COMMD10: variants seen among roughly 807,000 people sequenced by gnomAD.
COMMD10 encodes the protein COMM domain-containing protein 10.
A neutral mutation model predicts 28.9 loss-of-function variants in COMMD10; 33 were observed. That is an observed-to-expected ratio of 1.14 (90% confidence interval 0.87 to 1.53). The LOEUF is 1.53. Among genes scored for constraint, COMMD10 ranks in the 40% most tolerant of loss-of-function variants. The pLI is 0.00. For missense variants in COMMD10, 310 were observed against 233.4 expected (o/e 1.33, Z -2.14); for synonymous variants, 110 against 81.7 (o/e 1.35, Z -1.87).
At chr5:116,130,339 C>A (rs561135999) in intron 4 of COMMD10, among the ~76,000 whole-genome samples, 16 of 151,766 alleles carry the variant, frequency 1.1e-4, no homozygotes, top group Non-Finnish European at 2.1e-4. Context: ...TGATAGATGG[C>A]AAAAAGCCCT....
intron 5 of COMMD10, among the ~76,000 whole-genome samples, chr5:116,222,130 G>C (rs1175572468): frequency 6.6e-6 from 1 of 152,094 alleles, no homozygotes; most frequent in Non-Finnish European, 1.5e-5. Flanking sequence ...AGTTAGGGAA[G>C]GACACAGAGC....
At chr5:116,168,632 C>G (rs1385506431) in intron 5 of COMMD10, among the ~76,000 whole-genome samples, 1 of 152,094 alleles carries the variant, frequency 6.6e-6, no homozygotes, top group Non-Finnish European at 1.5e-5. Context: ...ATAACAGACT[C>G]TCAGACCACA....
intron 5 of COMMD10, among the ~76,000 whole-genome samples, chr5:116,241,583 C>CTTATGTATTTATTTATTTATTTAT (rs150574868): frequency 1.0e-4 from 14 of 140,448 alleles, no homozygotes; most frequent in African/African-American, 3.6e-4. Flanking sequence ...ACTCTGCTTT[C>CTTATGTATTTATTTATTTATTTAT]TTATTTATTT....
At chr5:116,254,234 C>T (rs1048487100) in intron 5 of COMMD10, among the ~76,000 whole-genome samples, 58 of 151,864 alleles carry the variant, frequency 3.8e-4, no homozygotes, top group African/African-American at 1.4e-3. Flanking sequence ...TTTGTTGATC[C>T]TTTCAAAAAA....
At chr5:116,085,118 G>C in intron 1 of COMMD10, 25 bp downstream of exon 1, 1 of 1,603,240 alleles carries the variant, frequency 6.2e-7, no homozygotes, top group Non-Finnish European at 8.5e-7. Context: ...AAGCTCTTGC[G>C]GTAGCCGCGC....
chr5:116,153,645 A>G (rs893715900), intron 5 of COMMD10, among the ~76,000 whole-genome samples: 5 of 151,824 alleles, frequency 3.3e-5, no homozygotes, highest in African/African-American at 1.2e-4. Flanking sequence ...TACTTCTTTT[A>G]TTGGCCCAGA....
intron 5 of COMMD10, among the ~76,000 whole-genome samples, chr5:116,282,545 T>C (rs1215477532): frequency 6.6e-6 from 1 of 151,944 alleles, no homozygotes; most frequent in East Asian, 1.9e-4. Context: ...TGTTTGGTCT[T>C]AAATTAGCTT....
At chr5:116,200,079 G>A (rs1040701558) in intron 5 of COMMD10, among the ~76,000 whole-genome samples, 1 of 151,362 alleles carries the variant, frequency 6.6e-6, no homozygotes, top group African/African-American at 2.4e-5. Flanking sequence ...CATGAAGAAT[G>A]GGGTATCCAT....
chr5:116,215,040 G>A (rs748390646), intron 5 of COMMD10, among the ~76,000 whole-genome samples: 17 of 151,870 alleles, frequency 1.1e-4, no homozygotes, highest in Non-Finnish European at 2.2e-4. Context: ...ATAGTTTGTG[G>A]TGTTTTTCCT....
chr5:116,184,639 A>T (rs1380006832), intron 5 of COMMD10, among the ~76,000 whole-genome samples: 1 of 152,064 alleles, frequency 6.6e-6, no homozygotes, highest in Non-Finnish European at 1.5e-5. Context: ...TGGAGTTGTT[A>T]TTTACCAAAA....
chr5:116,085,142 G>A, intron 1 of COMMD10, 49 bp downstream of exon 1: 1 of 1,580,324 alleles, frequency 6.3e-7, no homozygotes, highest in Non-Finnish European at 8.6e-7. Context: ...GGAAGGCCCA[G>A]ATCGGGCTCG....
intron 5 of COMMD10, among the ~76,000 whole-genome samples, chr5:116,152,912 G>A (rs1441776061): frequency 6.6e-6 from 1 of 152,018 alleles, no homozygotes; most frequent in African/African-American, 2.4e-5. Flanking sequence ...AAACAGATGA[G>A]TACAATAATT....
At chr5:116,236,504 C>CAAAAAA (rs34066036) in intron 5 of COMMD10, among the ~76,000 whole-genome samples, 1 of 79,596 alleles carries the variant, frequency 1.3e-5, no homozygotes. Flanking sequence ...GACTCCGTCT[C>CAAAAAA]AAAAAAAAAA....
At chr5:116,164,218 G>A (rs963709856) in intron 5 of COMMD10, among the ~76,000 whole-genome samples, 1 of 152,134 alleles carries the variant, frequency 6.6e-6, no homozygotes, top group African/African-American at 2.4e-5. Context: ...CTACCCAGGA[G>A]GCTGAGGCAG....
chr5:116,254,430 C>A (rs1469812833), intron 5 of COMMD10, among the ~76,000 whole-genome samples: 1 of 151,190 alleles, frequency 6.6e-6, no homozygotes, highest in African/African-American at 2.5e-5. Flanking sequence ...CTCTTGTGGG[C>A]ATTTAGTGCT....
Position 116,274,168 on chromosome 5 carries a change from A to G in COMMD10, c.511-17349A>G, listed in dbSNP as rs1045956366. 2.6e-5 allele frequency among the ~76,000 whole-genome samples: 4 copies of G among 151,976 alleles called. No homozygotes were observed. In the South Asian group the frequency reaches 6.2e-4, roughly 24 times the overall value. ...ACTGTATTCAGTACAGCAGATTTATACTTCTACTTATATATCAACAACAGG... is the reference window on the plus strand; with the variant it reads ...ACTGTATTCAGTACAGCAGATTTATGCTTCTACTTATATATCAACAACAGG... On this transcript the variant is annotated intron_variant, in intron 5 of 6. Transcript: ENST00000274458.
intron 5 of COMMD10, among the ~76,000 whole-genome samples, chr5:116,153,544 A>G (rs763003498): frequency 6.6e-5 from 10 of 152,112 alleles, no homozygotes; most frequent in Non-Finnish European, 1.2e-4. Context: ...AATAGATAGC[A>G]TTTATTGACC....
chr5:116,270,629 A>G lies in COMMD10; in HGVS notation c.511-20888A>G, dbSNP rs145670584. Among the ~76,000 whole-genome samples, 70 of 151,960 alleles carry G rather than the reference A, an allele frequency of 4.6e-4. 2 individuals carry two copies. Among genetic ancestry groups the G allele is most frequent in the African/African-American group, 1.7e-3 (69 of 41,282 alleles). ...GCTGCTGCTTTGTATAATCATTCCC[A>G]TTATATAAAGGTTATATATAAATTA... On this transcript the variant is annotated intron_variant, in intron 5 of 6. Coordinates refer to ENST00000274458, the MANE Select transcript of COMMD10 (RefSeq NM_016144.4).
chr5:116,235,715 G>T (rs1749642911), intron 5 of COMMD10, among the ~76,000 whole-genome samples: 1 of 152,150 alleles, frequency 6.6e-6, no homozygotes, highest in South Asian at 2.1e-4. Flanking sequence ...ATGAGAAATA[G>T]AATTCCAATT....
Sources: gnomAD v4.1 joint callset for allele counts (sites outside exome capture counted in the v4.1 genomes callset) on GRCh38, gnomAD v4.1.1 for gene constraint, MANE v1.5 for transcripts, NCBI Gene and HGNC (gene_info 2026-07-23, HGNC 2026-07-21) for gene names.